TF: variants seen among roughly 807,000 people sequenced by gnomAD.
TF encodes the protein serotransferrin.
In TF, 55 loss-of-function variants were observed where a neutral mutation model predicts 82.4. That is an observed-to-expected ratio of 0.67 (90% CI 0.54 to 0.84). TF has a LOEUF of 0.84. TF is among the 40% of genes least tolerant of loss of function. The probability of loss-of-function intolerance (pLI) is 0.00; values close to 1 mark genes in which losing one functional copy is unlikely to be tolerated. For synonymous variants in TF, 332 were observed against 332.6 expected, an observed-to-expected ratio of 1.00 and a Z score of 0.02; for missense variants, 737 against 868.4, an observed-to-expected ratio of 0.85 and a Z score of 1.90.
At chr3:133,699,899 A>G in the TF span, 1 of 196,530 alleles carries the variant, frequency 5.1e-6, no homozygotes, top group Admixed American at 5.5e-5. Context: ...TTTTCATTCT[A>G]AACAGGTCCT....
At chr3:133,736,631 C>CAAAAAAGAAAAAAAAAAAAAAAAA in the TF span, among the ~76,000 whole-genome samples, 32 of 32,562 alleles carry the variant, frequency 9.8e-4, 3 homozygotes, top group Non-Finnish European at 1.2e-3. Flanking sequence ...AATGGAAAGC[C>CAAAAAAGAAAAAAAAAAAAAAAAA]AAAAAAAAAA....
chr3:133,713,661 A>C, the TF span, among the ~76,000 whole-genome samples: 8 of 152,324 alleles, frequency 5.3e-5, no homozygotes, highest in South Asian at 1.7e-3. Flanking sequence ...CCTTGCGTGC[A>C]TGTGGGAGAT....
the TF span, among the ~76,000 whole-genome samples, chr3:133,718,897 A>G: frequency 9.2e-5 from 14 of 152,186 alleles, no homozygotes; most frequent in Non-Finnish European, 2.1e-4. Flanking sequence ...GATTCTATGA[A>G]GGGGCATGAA....
At chr3:133,674,180 T>C in the TF span, among the ~76,000 whole-genome samples, 1 of 152,206 alleles carries the variant, frequency 6.6e-6, no homozygotes, top group African/African-American at 2.4e-5. Context: ...CCCGAATCCC[T>C]AAGCTTTTGT....
At chr3:133,679,569 C>CTTTTTTTTTTTTTTTTTTT in the TF span, among the ~76,000 whole-genome samples, 4 of 75,380 alleles carry the variant, frequency 5.3e-5, no homozygotes, top group Non-Finnish European at 7.1e-5. Context: ...CTTTGTTTGG[C>CTTTTTTTTTTTTTTTTTTT]TTTTTTTTTT....
At chr3:133,714,656 C>G in the TF span, among the ~76,000 whole-genome samples, 1 of 152,088 alleles carries the variant, frequency 6.6e-6, no homozygotes, top group Admixed American at 6.6e-5. Context: ...TCCTACCTGT[C>G]TTTTCACTTC....
At chr3:133,737,598 C>G in the TF span, among the ~76,000 whole-genome samples, 1 of 151,816 alleles carries the variant, frequency 6.6e-6, no homozygotes, top group Admixed American at 6.6e-5. Flanking sequence ...AGAGAAGAGT[C>G]AAATAGACAC....
At chr3:133,673,167 G>C in the TF span, among the ~76,000 whole-genome samples, 8 of 152,184 alleles carry the variant, frequency 5.3e-5, no homozygotes, top group African/African-American at 1.7e-4. Context: ...GCATCCCTAA[G>C]TGCACGAAAA....
At chr3:133,670,939 G>C in the TF span, among the ~76,000 whole-genome samples, 4 of 152,242 alleles carry the variant, frequency 2.6e-5, no homozygotes, top group African/African-American at 9.6e-5. Flanking sequence ...CAGTCTCAGG[G>C]CTGGAAAAAC....
At chr3:133,728,037 C>T in the TF span, among the ~76,000 whole-genome samples, 31,705 of 152,168 alleles carry the variant, frequency 0.21, 3,405 homozygotes, top group East Asian at 0.29. Context: ...GTTTGTCTGA[C>T]GGGCTTCCCT....
At chr3:133,771,594 G>A (rs970255213) in intron 14 of TF, among the ~76,000 whole-genome samples, 19 of 151,422 alleles carry the variant, frequency 1.3e-4, no homozygotes, top group Admixed American at 5.3e-4. Flanking sequence ...AAAATTAGCC[G>A]GGCGCGGTGG....
rs778344596 is a variant in TF, at chr3:133,787,346, G to C, written c.*8726G>C. On this transcript the variant is annotated 3_prime_UTR_variant, in exon 17 of 17. Transcript: ENST00000402696. ...TACACATGCCTGTACCTGTCCACTG[G>C]ATTGAAGACAGAGAGAAGGGAGTGA... is the stretch of plus-strand genomic sequence containing the variant. The C allele has an allele frequency of 9.2e-5, 14 of 152,142 alleles. No individual in the cohort carries two copies. The highest frequency in any genetic ancestry group is 8.8e-5 in the Non-Finnish European group (6 of 68,014). 9.4% of individuals were successfully genotyped at this position (152,142 alleles called of 1,614,324 possible). A position where few individuals can be genotyped will look rare whatever the true frequency, so the allele number is the denominator to read the frequency against.
rs906576819 is a variant in TF at position 133,753,678 on chromosome 3, G to A, written c.300G>A (p.Val100=). The A allele has an allele frequency of 1.9e-6, 3 of 1,614,058 alleles. No homozygotes were observed. The African/African-American group carries it at 4.0e-5, about 22-fold the overall frequency. Residue 100 remains valine (V), a synonymous_variant, in exon 3 of 17, where the codon GTG becomes GTA. Coordinates refer to ENST00000402696, the MANE Select transcript of TF (RefSeq NM_001063.4). ...YLAPNNLKPV[V]AEFYGSKEDP... is the part of the protein sequence containing the mutation. ...CTCCCAATAACCTGAAGCCTGTGGTGGCAGAGTTCTATGGGTCAAAAGAGG... is the reference window on the plus strand; with the variant it reads ...CTCCCAATAACCTGAAGCCTGTGGTAGCAGAGTTCTATGGGTCAAAAGAGG...
At chr3:133,691,177 T>C in the TF span, among the ~76,000 whole-genome samples, 2 of 152,118 alleles carry the variant, frequency 1.3e-5, no homozygotes, top group African/African-American at 4.8e-5. Flanking sequence ...GGTAGGGAAA[T>C]GATCCAACCT....
At chr3:133,749,366 A>G (rs552077436) in intron 2 of TF, among the ~76,000 whole-genome samples, 208 of 152,312 alleles carry the variant, frequency 1.4e-3, no homozygotes, top group Non-Finnish European at 2.5e-3. Flanking sequence ...CCATCTGTAC[A>G]TGTCAGATCC....
intron 11 of TF, among the ~76,000 whole-genome samples, chr3:133,765,482 T>TAC (rs1286910746): frequency 6.6e-6 from 1 of 152,186 alleles, no homozygotes; most frequent in Non-Finnish European, 1.5e-5. Context: ...CAGGAAGTCT[T>TAC]ACACCAAGGT....
the TF span, among the ~76,000 whole-genome samples, chr3:133,715,659 C>A: frequency 6.6e-6 from 1 of 152,152 alleles, no homozygotes; most frequent in East Asian, 1.9e-4. Flanking sequence ...CATATTTCTC[C>A]CCTTTAAATC....
chr3:133,730,729 C>T, the TF span, among the ~76,000 whole-genome samples: 3 of 152,204 alleles, frequency 2.0e-5, no homozygotes, highest in Non-Finnish European at 4.4e-5. Flanking sequence ...AACTCTCATT[C>T]TAGTAACACA....
chr3:133,748,372 T>TGCTG (rs764700894), intron 1 of TF, 40 bp from the exon 2 acceptor site: 22 of 1,612,092 alleles, frequency 1.4e-5, no homozygotes, highest in Middle Eastern at 1.8e-4. Context: ...TCCCTCAGCA[T>TGCTG]AGGGAGTGGG....
Sources: allele counts gnomAD v4.1 joint callset (sites outside exome capture counted in the v4.1 genomes callset), GRCh38; gene constraint gnomAD v4.1.1; transcripts MANE v1.5; gene names NCBI Gene and HGNC (gene_info 2026-07-23, HGNC 2026-07-21).